Variants in IDE observed in about 807,000 individuals in gnomAD.
IDE encodes the protein insulin degrading enzyme.
A neutral mutation model predicts 133.2 loss-of-function variants in IDE; 58 were observed. The observed-to-expected ratio is 0.44, with a 90% confidence interval of 0.35 to 0.54. The LOEUF is 0.54. Ranked by LOEUF, IDE falls within the 20% of genes least tolerant of loss-of-function variation. IDE has a pLI of 0.00. For synonymous variants in IDE, 396 were observed against 421.3 expected, an observed-to-expected ratio of 0.94 and a Z score of 0.73; for missense variants, 981 against 1,234.0, an observed-to-expected ratio of 0.79 and a Z score of 3.07.
intron 5 of IDE, among the ~76,000 whole-genome samples, chr10:92,513,224 A>C (rs917183909): frequency 3.9e-5 from 6 of 151,966 alleles, no homozygotes; most frequent in African/African-American, 1.5e-4. Context: ...ATGGAGTCTC[A>C]CTCTGTTGCC....
intron 11 of IDE, among the ~76,000 whole-genome samples, chr10:92,503,888 T>C (rs1161270061): frequency 2.0e-5 from 3 of 152,018 alleles, no homozygotes; most frequent in South Asian, 2.1e-4. Context: ...CTGGCTAATT[T>C]TGTATTTTTA....
chr10:92,476,381 G>A (rs1027989688), intron 15 of IDE, among the ~76,000 whole-genome samples: 1 of 152,266 alleles, frequency 6.6e-6, no homozygotes, highest in African/African-American at 2.4e-5. Flanking sequence ...CACCATGTTA[G>A]TCAGGCTGGT....
intron 4 of IDE, among the ~76,000 whole-genome samples, chr10:92,520,823 T>C (rs938221385): frequency 2.0e-5 from 3 of 152,144 alleles, no homozygotes; most frequent in African/African-American, 7.2e-5. Context: ...CCAGCTCTTG[T>C]TTTCAGTAAA....
chr10:92,524,551 T>TA (rs1313108906), intron 4 of IDE, among the ~76,000 whole-genome samples: 1 of 109,444 alleles, frequency 9.1e-6, no homozygotes, highest in Non-Finnish European at 1.8e-5. Flanking sequence ...ATATTATATA[T>TA]ATATTTTATA....
At chr10:92,503,715 A>G (rs548010571) in intron 11 of IDE, among the ~76,000 whole-genome samples, 54 of 152,144 alleles carry the variant, frequency 3.5e-4, no homozygotes, top group African/African-American at 1.3e-3. Context: ...TTCTGTCAAA[A>G]AGACTTTTTT....
rs1845255258 is a variant in IDE at position 92,459,706 on chromosome 10, C to T, written c.2823+1485G>A. Among the ~76,000 whole-genome samples, 4 of 151,524 alleles carry T rather than the reference C, an allele frequency of 2.6e-5. No homozygotes were observed. The South Asian group carries it at 8.3e-4, about 31-fold the overall frequency. ...CTTTAGGTGCAATTCCATTGCAGCA[C>T]AAATTTTGAGTTTTTGCATTTAGCA... On this transcript the variant is annotated intron_variant, in intron 22 of 24. Coordinates refer to ENST00000265986, the MANE Select transcript of IDE (RefSeq NM_004969.4).
At chr10:92,510,763 TATG>T (rs1848560425) in intron 5 of IDE, among the ~76,000 whole-genome samples, 1 of 122,734 alleles carries the variant, frequency 8.1e-6, no homozygotes, top group African/African-American at 3.3e-5. Context: ...ATCTCACATA[TATG>T]ATATATAGCA....
At chr10:92,524,465 A>ATATAATATATAATATATATTATAT (rs1849479659) in intron 4 of IDE, among the ~76,000 whole-genome samples, 2 of 70,026 alleles carry the variant, frequency 2.9e-5, no homozygotes, top group Non-Finnish European at 5.0e-5. Flanking sequence ...TATATATTTT[A>ATATAATATATAATATATATTATAT]TATAATATAT....
intron 4 of IDE, among the ~76,000 whole-genome samples, chr10:92,527,570 C>T (rs1849694073): frequency 6.6e-6 from 1 of 152,204 alleles, no homozygotes; most frequent in Admixed American, 6.5e-5. Context: ...CATCCATGTG[C>T]ATGATATACC....
Position 92,463,761 on chromosome 10 carries a change from T to C in IDE, c.2731A>G (p.Ile911Val). Reference sequence around the variant, plus strand: ...TCAAAATTATATTGCTGGGAGATGATTTCTCCCCAGTATTTAGCACACTCA... The same window carrying C: ...TCAAAATTATATTGCTGGGAGATGACTTCTCCCCAGTATTTAGCACACTCA... ...SAECAKYWGE[I>V]ISQQYNFDRD... Residue 911 changes from isoleucine to valine, a missense_variant, in exon 21 of 25, where the codon ATC (isoleucine) becomes GTC (valine). By Grantham distance (29) the Ile-to-Val change is conservative. Transcript: ENST00000265986. 6.2e-7 allele frequency: 1 copy of C among 1,613,948 alleles called. No individual in the cohort carries two copies. The highest frequency in any genetic ancestry group is 1.3e-5 in the African/African-American group (1 of 75,048).
intron 13 of IDE, among the ~76,000 whole-genome samples, chr10:92,485,285 C>A (rs1846920206): frequency 6.6e-6 from 1 of 151,844 alleles, no homozygotes. Flanking sequence ...GCCACCACGC[C>A]CAGCTAATTT....
chr10:92,475,914 A>C lies in IDE; in HGVS notation c.1965T>G (p.Asp655Glu). ...IIEKMATFEI[D>E]EKRFEIIKEA... ...CTTTGATAATTTCAAATCTTTTTTC[A>C]TCAATCTCAAAGGTAGCCATTTTCT... Residue 655 changes from aspartate (D) to glutamate (E), a missense_variant, in exon 16 of 25, where the codon GAT becomes GAG. This residue lies in a region of IDE where 660 missense variants were observed against 894.7 expected (regional missense o/e 0.74). Coordinates refer to ENST00000265986, the MANE Select transcript of IDE (RefSeq NM_004969.4). 1 of 1,502,372 alleles carries C rather than the reference A, an allele frequency of 6.7e-7. No homozygotes were observed. Among genetic ancestry groups the C allele is most frequent in the East Asian group, 2.3e-5 (1 of 43,854 alleles). 93.1% of individuals were successfully genotyped at this position (1,502,372 alleles called of 1,614,324 possible).
intron 20 of IDE, 101 bp downstream of exon 20, chr10:92,465,575 G>T: frequency 1.0e-6 from 1 of 977,020 alleles, no homozygotes; most frequent in Non-Finnish European, 1.6e-6. Flanking sequence ...AGTAGACCAT[G>T]CCTGATATAC....
chr10:92,571,053 T>C (rs1287746903), intron 1 of IDE, among the ~76,000 whole-genome samples: 1 of 150,392 alleles, frequency 6.6e-6, no homozygotes, highest in Non-Finnish European at 1.5e-5. Context: ...CGATCTCAGC[T>C]CACTGCACCT....
intron 22 of IDE, among the ~76,000 whole-genome samples, chr10:92,456,762 C>T (rs1219766564): frequency 3.6e-5 from 5 of 137,798 alleles, no homozygotes; most frequent in Admixed American, 1.7e-4. Context: ...TTGCCTGACA[C>T]GAGGAAGCAA....
chr10:92,510,266 A>C, intron 5 of IDE, 104 bp from the exon 6 acceptor site: 1 of 542,038 alleles, frequency 1.8e-6, no homozygotes, highest in Non-Finnish European at 3.3e-6. Flanking sequence ...GTACTACTGA[A>C]AGGAAAATGT....
At chr10:92,533,274 T>C (rs1477234026) in intron 3 of IDE, among the ~76,000 whole-genome samples, 2 of 152,178 alleles carry the variant, frequency 1.3e-5, no homozygotes, top group Non-Finnish European at 2.9e-5. Context: ...TGAAATTCAG[T>C]GTATGATCCC....
intron 1 of IDE, 113 bp downstream of exon 1, chr10:92,573,809 G>T: frequency 1.4e-6 from 1 of 728,028 alleles, no homozygotes; most frequent in Non-Finnish European, 2.1e-6. Context: ...CGGGACGGGC[G>T]GCGTGAGGGG....
At chr10:92,517,913 CTGAT>C (rs1472291633) in intron 4 of IDE, among the ~76,000 whole-genome samples, 1 of 152,080 alleles carries the variant, frequency 6.6e-6, no homozygotes, top group Non-Finnish European at 1.5e-5. Context: ...GAGACTCTGT[CTGAT>C]TGATTGATAG....
Sources: gnomAD v4.1 joint callset for allele counts (sites outside exome capture counted in the v4.1 genomes callset) on GRCh38, gnomAD v4.1.1 for gene constraint, gnomAD v4.1.1 regional missense constraint, MANE v1.5 for transcripts, NCBI Gene and HGNC (gene_info 2026-07-23, HGNC 2026-07-21) for gene names.